CHD4: variants seen among roughly 807,000 people sequenced by gnomAD.
CHD4 encodes chromodomain helicase DNA binding protein 4, also known as ATP-dependent chromatin remodeler CHD4.
A neutral mutation model predicts 235.5 loss-of-function variants in CHD4; 35 were observed. That is an observed-to-expected ratio of 0.15 (90% CI 0.11 to 0.20). CHD4 has a LOEUF of 0.20. CHD4 is among the 10% of genes least tolerant of loss of function. CHD4 has a pLI of 1.00. For synonymous variants in CHD4, 900 were observed against 850.2 expected, an observed-to-expected ratio of 1.06 and a Z score of -1.02; for missense variants, 1,329 against 2,432.3, an observed-to-expected ratio of 0.55 and a Z score of 9.54.
intron 37 of CHD4, among the ~76,000 whole-genome samples, chr12:6,576,233 T>C (rs1393332171): frequency 6.6e-6 from 1 of 152,162 alleles, no homozygotes; most frequent in African/African-American, 2.4e-5. Context: ...GGCACACGCC[T>C]GTTGTCCCAG....
intron 2 of CHD4, among the ~76,000 whole-genome samples, chr12:6,604,401 G>A (rs1007992876): frequency 2.0e-5 from 3 of 152,132 alleles, no homozygotes; most frequent in South Asian, 4.1e-4. Context: ...TAGGGAATGA[G>A]ACATTAGGCT....
intron 33 of CHD4, chr12:6,580,234 A>G (rs1194723142): frequency 1.8e-5 from 2 of 108,658 alleles, no homozygotes; most frequent in African/African-American, 7.6e-5. Context: ...CTCGAAAACA[A>G]CAACAACAAC....
chr12:6,591,452 T>A lies in CHD4; in HGVS notation c.3340+14A>T. On this transcript the variant is annotated intron_variant, in intron 22 of 39. Transcript: ENST00000544040. ...ATGAGGATTCCTGAAACTAAACAACTCCTTCTCTCTCACCATTGAAGCGGT... is the reference window on the plus strand; with the variant it reads ...ATGAGGATTCCTGAAACTAAACAACACCTTCTCTCTCACCATTGAAGCGGT... The A allele has an allele frequency of 6.2e-7, 1 of 1,602,110 alleles. No individual in the cohort carries two copies. Among genetic ancestry groups the A allele is most frequent in the Non-Finnish European group, 8.5e-7 (1 of 1,170,866 alleles).
chr12:6,570,756 A>AATT, intron 39 of CHD4, 63 bp from the exon 40 acceptor site: 1 of 1,613,288 alleles, frequency 6.2e-7, no homozygotes, highest in African/African-American at 1.3e-5. Flanking sequence ...ATCTCAAGGG[A>AATT]ATTCACTGAT....
intron 2 of CHD4, among the ~76,000 whole-genome samples, chr12:6,603,424 G>T (rs1312240826): frequency 6.6e-6 from 1 of 152,114 alleles, no homozygotes; most frequent in East Asian, 1.9e-4. Context: ...GAAAGGAGTG[G>T]AGAGAAGAAG....
At position 6,581,277 on chromosome 12, in the gene CHD4, A is replaced by AC. The variant is rs775187139; in HGVS notation, c.4779+13dup. 1.2e-6 allele frequency: 2 copies of AC among 1,613,796 alleles called. No individual in the cohort carries two copies. Among genetic ancestry groups the AC allele is most frequent in the Non-Finnish European group, 1.7e-6 (2 of 1,179,924 alleles). On this transcript the variant is annotated intron_variant, in intron 32 of 39. Transcript: ENST00000544040. ...TTTGTCTTTAGTATGGCATTCAGTC[A>AC]CCCCATCTCTTACCTCAATGGCAGT...
At chr12:6,578,685 G>C (rs758086869) in intron 34 of CHD4, 139 bp from the exon 35 acceptor site, 8 of 1,430,974 alleles carry the variant, frequency 5.6e-6, no homozygotes, top group African/African-American at 1.4e-5. Context: ...CCAGAAAATG[G>C]TGCCATTGGC....
At chr12:6,572,302 T>G (rs934543896) in intron 38 of CHD4, among the ~76,000 whole-genome samples, 1 of 151,508 alleles carries the variant, frequency 6.6e-6, no homozygotes, top group Non-Finnish European at 1.5e-5. Context: ...GGCGCATGCC[T>G]GTAGTCCCAG....
In CHD4 at chr12:6,593,077, C is replaced by A. The variant is rs751963093; in HGVS notation, c.2652+14G>T. ...CCAAAGTGGGGGCTCCAACATCCCT[C>A]CCTCAGCCCTCACCTTAGACTGATT... On this transcript the variant is annotated intron_variant, in intron 17 of 39. Transcript: ENST00000544040. This position sits in a 1 kb window ranked among gnomAD's most constrained non-coding sequence, Gnocchi z 4.9. The A allele has an allele frequency of 1.2e-6, 2 of 1,613,190 alleles. No homozygotes were observed. Among genetic ancestry groups the A allele is most frequent in the Non-Finnish European group, 1.7e-6 (2 of 1,179,772 alleles).
intron 19 of CHD4, 67 bp downstream of exon 19, chr12:6,592,326 G>C (rs1246385368): frequency 7.9e-6 from 12 of 1,512,162 alleles, no homozygotes; most frequent in Middle Eastern, 2.3e-4. Context: ...AGTGGGGGAG[G>C]AATAGGAAAC....
chr12:6,588,066 A>C lies in CHD4; in HGVS notation c.3466-117T>G, dbSNP rs1948329185. 1.8e-5 allele frequency: 22 copies of C among 1,215,386 alleles called. No individual in the cohort carries two copies. The South Asian group carries it at 3.1e-4, about 17-fold the overall frequency. 75.3% of individuals were successfully genotyped at this position (1,215,386 alleles called of 1,614,324 possible). ...GGCAAGGTCCACAGCCTACATTCAT[A>C]GGAAACTTCCTTTTGCACCCCTGCC... On this transcript the variant is annotated intron_variant, in intron 23 of 39. Transcript: ENST00000544040.
chr12:6,572,127 C>CA (rs950955657), intron 38 of CHD4, among the ~76,000 whole-genome samples: 12 of 138,002 alleles, frequency 8.7e-5, no homozygotes, highest in South Asian at 2.3e-4. Context: ...ATTCCACCTC[C>CA]AAAAAAAAAA....
Position 6,598,205 on chromosome 12 carries a change from G to A in CHD4, c.1686+17C>T, listed in dbSNP as rs1948532297. 1.9e-6 allele frequency: 3 copies of A among 1,610,146 alleles called. No homozygotes were observed. Among genetic ancestry groups the A allele is most frequent in the Non-Finnish European group, 2.5e-6 (3 of 1,177,128 alleles). On this transcript the variant is annotated intron_variant, in intron 11 of 39. Transcript: ENST00000544040. ...CTTCATCGTAGCCCCTACATCTCCA[G>A]ACTATCCTAAACTTACCTGCAGTTC... is the stretch of plus-strand genomic sequence containing the variant.
chr12:6,592,907 G>GTTAA (rs1948425262), intron 17 of CHD4, 90 bp from the exon 18 acceptor site: 1 of 1,537,198 alleles, frequency 6.5e-7, no homozygotes, highest in Non-Finnish European at 8.8e-7. Flanking sequence ...CTGCCCAATA[G>GTTAA]TTAAGCATCC....
intron 33 of CHD4, chr12:6,580,710 A>AAAAAAAACAAAAC (rs1555163976): frequency 1.0e-5 from 2 of 196,074 alleles, no homozygotes; most frequent in Non-Finnish European, 1.9e-5. Flanking sequence ...CTTTGAAAAA[A>AAAAAAAACAAAAC]AAAAAAAAAA....
chr12:6,601,110 ATCT>A, intron 6 of CHD4, 57 bp from the exon 7 acceptor site: 2 of 1,524,726 alleles, frequency 1.3e-6, no homozygotes, highest in Admixed American at 4.4e-5. Context: ...GGAAAATAAA[ATCT>A]TCTCCACCTA....
chr12:6,586,355 C>T (rs1948294382), intron 25 of CHD4, among the ~76,000 whole-genome samples: 1 of 151,994 alleles, frequency 6.6e-6, no homozygotes, highest in Non-Finnish European at 1.5e-5. Flanking sequence ...GAGCCAAGAT[C>T]GCACCACTGC....
At position 6,581,755 on chromosome 12, in the gene CHD4, C is replaced by G; in HGVS notation, c.4575G>C (p.Glu1525Asp). Residue 1525 changes from glutamate to aspartate, a missense_variant, in exon 31 of 40, where the codon GAG (glutamate) becomes GAC (aspartate). Around this residue, in one of 26 missense-constraint regions of CHD4, gnomAD observed 219 missense variants for 219.3 expected, o/e 1.00. Transcript: ENST00000544040. ...CTGGCTGGGACATCTTCTTGTTTTC[C>G]TCCACCTCAGCCAGTTCAGGCATGC... ...RWSMPELAEV[E>D]ENKKMSQPGS... 1.9e-6 allele frequency: 3 copies of G among 1,595,752 alleles called. No homozygotes were observed. Among genetic ancestry groups the G allele is most frequent in the Non-Finnish European group, 2.6e-6 (3 of 1,170,422 alleles).
In CHD4 at chr12:6,581,121, G is replaced by A. The variant is rs889175642; in HGVS notation, c.4832C>T (p.Pro1611Leu). The change falls in exon 33 of 40, where the codon CCC (proline) becomes CTC (leucine). Residue 1611 changes from proline to leucine, a missense_variant. Physicochemically the swap from Pro to Leu is moderately conservative, Grantham distance 98. Transcript: ENST00000544040. ...TTCCACTTTCTCCTCTCCCTCAGGG[G>A]GTTCAACAACGACCTTTTCATCCTC... ...ASEDEKVVVE[P>L]PEGEEKVEKA... is the part of the protein sequence containing the mutation. The A allele has an allele frequency of 1.2e-6, 2 of 1,613,958 alleles. No individual in the cohort carries two copies. The highest frequency in any genetic ancestry group is 2.2e-5 in the East Asian group (1 of 44,898).
Sources: gnomAD v4.1 joint callset for allele counts (sites outside exome capture counted in the v4.1 genomes callset) on GRCh38, gnomAD v4.1.1 for gene constraint, gnomAD v4.1.1 regional missense constraint, Gnocchi (gnomAD v3.1) non-coding constraint, MANE v1.5 for transcripts, NCBI Gene and HGNC (gene_info 2026-07-23, HGNC 2026-07-21) for gene names.